Variants in HOXD11 observed in about 807,000 individuals in gnomAD.
HOXD11 encodes homeobox D11, also known as homeobox protein Hox-D11.
In HOXD11, 16 loss-of-function variants were observed where a neutral mutation model predicts 23.1. That is an observed-to-expected ratio of 0.69 (90% CI 0.47 to 1.05). HOXD11 has a LOEUF of 1.05. Ranked by LOEUF, HOXD11 falls within the 50% of genes least tolerant of loss-of-function variation. The probability of loss-of-function intolerance (pLI) is 0.00; values close to 1 mark genes in which losing one functional copy is unlikely to be tolerated. For missense variants in HOXD11, 564 were observed against 495.6 expected (o/e 1.14, Z -1.31); for synonymous variants, 262 against 224.4 (o/e 1.17, Z -1.50).
At chr2:176,111,672 G>C (rs1689674331), downstream of HOXD11, among the ~76,000 whole-genome samples, 1 of 151,290 alleles carries the variant, frequency 6.6e-6, no homozygotes, top group Non-Finnish European at 1.5e-5. Context: ...CAGATGGTGT[G>C]GAGCAGAGTT....
chr2:176,108,806 C>G, intron 1 of HOXD11, 101 bp from the exon 2 acceptor site: 1 of 718,962 alleles, frequency 1.4e-6, no homozygotes, highest in East Asian at 2.8e-5. Context: ...ACGTCCCCAA[C>G]GGGGCCAGGG....
chr2:176,109,769 T>C (rs899901963), downstream of HOXD11: 2 of 177,322 alleles, frequency 1.1e-5, no homozygotes, highest in Admixed American at 6.3e-5. Context: ...ACTAAAATAG[T>C]AGTCGTACCC....
chr2:176,109,113 C>G lies in HOXD11; in HGVS notation c.988C>G (p.Gln330Glu), dbSNP rs1000580695. ...AAAGAAACTGAACAGAGACCGTCTG[C>G]AGTATTTCACTGGAAACCCCTTATT... ...KEKKLNRDRL[Q>E]YFTGNPLF Residue 330 changes from glutamine to glutamate, a missense_variant, in exon 2 of 2, where the codon CAG becomes GAG. By Grantham distance (29) the Gln-to-Glu change is conservative. Transcript: ENST00000249504. 1.2e-6 allele frequency: 2 copies of G among 1,613,356 alleles called. No homozygotes were observed. The highest frequency in any genetic ancestry group is 1.7e-6 in the Non-Finnish European group (2 of 1,179,388).
downstream of HOXD11, among the ~76,000 whole-genome samples, chr2:176,113,939 G>A (rs139412915): frequency 3.1e-3 from 467 of 152,228 alleles, 3 homozygotes; most frequent in African/African-American, 0.01. Flanking sequence ...AGACCTACCC[G>A]CCCGCAAGGA....
chr2:176,108,696 T>TGTGTGTGTGTGTGTCC lies in HOXD11; in HGVS notation c.782-209_782-208insGTGTGTGTGTGTCCGT, dbSNP rs960078937. Reference sequence around the variant, plus strand: ...GTGTGTGTGTGTGTGTGTGTGTGTGTGTCCGGGCGTGAACACATGTCCACG... The same window carrying TGTGTGTGTGTGTGTCC: ...GTGTGTGTGTGTGTGTGTGTGTGTGTGTGTGTGTGTGTGTCCGTCCGGGCGTGAACACATGTCCACG... On this transcript the variant is annotated intron_variant, in intron 1 of 1. Transcript: ENST00000249504. 1.0e-5 allele frequency: 6 copies of TGTGTGTGTGTGTGTCC among 579,022 alleles called. No homozygotes were observed. In the African/African-American group the frequency reaches 1.2e-4, roughly 11 times the overall value. 35.9% of individuals were successfully genotyped at this position (579,022 alleles called of 1,614,324 possible). A position where few individuals can be genotyped will look rare whatever the true frequency, so the allele number is the denominator to read the frequency against.
downstream of HOXD11, among the ~76,000 whole-genome samples, chr2:176,111,729 G>A (rs818629): frequency 0.072 from 10,680 of 149,340 alleles, 1,235 homozygotes; most frequent in African/African-American, 0.24. Context: ...AGCCACTGCT[G>A]GTTAATTAAA....
In HOXD11 at chr2:176,107,929, G is replaced by T; in HGVS notation, c.574G>T (p.Gly192Trp). The T allele has an allele frequency of 2.1e-6, 3 of 1,421,922 alleles. No individual in the cohort carries two copies. The highest frequency in any genetic ancestry group is 9.2e-7 in the Non-Finnish European group (1 of 1,088,552). 88.1% of individuals were successfully genotyped at this position (1,421,922 alleles called of 1,614,324 possible). A position where few individuals can be genotyped will look rare whatever the true frequency, so the allele number is the denominator to read the frequency against. The change falls in exon 1 of 2, where the codon GGG (glycine) becomes TGG (tryptophan). Residue 192 changes from glycine to tryptophan, a missense_variant. Coordinates refer to ENST00000249504, the MANE Select transcript of HOXD11 (RefSeq NM_021192.3). ...YEAAPGPPFA[G>W]PQPPPPPAPP... is the part of the protein sequence containing the mutation. ...GGCAGCGCCCGGGCCCCCGTTCGCC[G>T]GGCCGCAGCCCCCGCCGCCACCCGC...
intron 1 of HOXD11, among the ~76,000 whole-genome samples, chr2:176,108,613 T>C (rs906016364): frequency 1.3e-5 from 2 of 151,850 alleles, no homozygotes; most frequent in Non-Finnish European, 2.9e-5. Flanking sequence ...CAGGTTCCAG[T>C]TTAGAGCCTG....
downstream of HOXD11, among the ~76,000 whole-genome samples, chr2:176,112,264 G>T (rs188865652): frequency 1.3e-5 from 2 of 152,232 alleles, no homozygotes; most frequent in Non-Finnish European, 2.9e-5. Context: ...CAGTGCATTC[G>T]TTGCGTGCCC....
At chr2:176,115,042 G>T in the HOXD11 span, among the ~76,000 whole-genome samples, 1 of 152,282 alleles carries the variant, frequency 6.6e-6, no homozygotes, top group Non-Finnish European at 1.5e-5. Context: ...CTGCCCCGAG[G>T]CCCGGGCTTC....
At position 176,107,676 on chromosome 2, in the gene HOXD11, C is replaced by CGCGGCGGCG. The variant is rs976186112; in HGVS notation, c.333_341dup (p.Ala118_Ala120dup). 10 of 988,006 alleles carry CGCGGCGGCG rather than the reference C, an allele frequency of 1.0e-5. No homozygotes were observed. Among genetic ancestry groups the CGCGGCGGCG allele is most frequent in the East Asian group, 1.1e-4 (1 of 8,988 alleles). 61.2% of individuals were successfully genotyped at this position (988,006 alleles called of 1,614,324 possible). On this transcript the variant is annotated inframe_insertion, in exon 1 of 2. Coordinates refer to ENST00000249504, the MANE Select transcript of HOXD11 (RefSeq NM_021192.3). ...GCGCGGGGGGCTACGCTCCCTACTA[C>CGCGGCGGCG]GCGGCGGCGGCGGCGGCGGCTGCGG...
chr2:176,109,331 C>A lies in HOXD11; in HGVS notation c.*189C>A. ...GCCTGCGGACGAGGCCGGGACTTGG[C>A]CGAGCGGATCCTAATAAGGGGAAAA... On this transcript the variant is annotated 3_prime_UTR_variant, in exon 2 of 2. Transcript: ENST00000249504. The A allele has an allele frequency of 1.7e-6, 1 of 581,614 alleles. No individual in the cohort carries two copies. Among genetic ancestry groups the A allele is most frequent in the South Asian group, 2.2e-5 (1 of 45,872 alleles). 36.0% of individuals were successfully genotyped at this position (581,614 alleles called of 1,614,324 possible).
In HOXD11 at chr2:176,107,877, G is replaced by A. The variant is rs1689606212; in HGVS notation, c.522G>A (p.Leu174=). 2.1e-6 allele frequency: 3 copies of A among 1,454,704 alleles called. No individual in the cohort carries two copies. Among genetic ancestry groups the A allele is most frequent in the Non-Finnish European group, 2.7e-6 (3 of 1,101,444 alleles). 90.1% of individuals were successfully genotyped at this position (1,454,704 alleles called of 1,614,324 possible). The change falls in exon 1 of 2, where the codon TTG becomes TTA. Residue 174 remains leucine (L), a synonymous_variant. Coordinates refer to ENST00000249504, the MANE Select transcript of HOXD11 (RefSeq NM_021192.3). ...FYSAVGRNGI[L]PQGFDQFYEA... Reference sequence around the variant, plus strand: ...GCGCGGTGGGCCGCAATGGCATCTTGCCACAGGGCTTCGACCAGTTCTACG... The same window carrying A: ...GCGCGGTGGGCCGCAATGGCATCTTACCACAGGGCTTCGACCAGTTCTACG...
downstream of HOXD11, among the ~76,000 whole-genome samples, chr2:176,114,473 T>C (rs917380231): frequency 1.3e-5 from 2 of 151,788 alleles, no homozygotes; most frequent in Non-Finnish European, 2.9e-5. Context: ...AACCTGACAA[T>C]GATGTTGTAT....
chr2:176,108,986 T>C lies in HOXD11; in HGVS notation c.861T>C (p.Phe287=). Residue 287 remains phenylalanine, a synonymous_variant, in exon 2 of 2, where the codon TTT becomes TTC. Transcript: ENST00000249504. ...GCGAACTGGAACGCGAGTTTTTCTT[T>C]AACGTGTACATAAACAAAGAGAAAA... ...QIRELEREFF[F]NVYINKEKRL... The C allele has an allele frequency of 6.2e-7, 1 of 1,614,148 alleles. No individual in the cohort carries two copies.
At chr2:176,113,200 G>C (rs191236222), downstream of HOXD11, among the ~76,000 whole-genome samples, 493 of 152,206 alleles carry the variant, frequency 3.2e-3, 4 homozygotes, top group Non-Finnish European at 2.3e-3. Flanking sequence ...CATCCGCTCT[G>C]TCCCCAAAGA....
chr2:176,108,166 G>A, intron 1 of HOXD11, 30 bp downstream of exon 1: 1 of 1,184,358 alleles, frequency 8.4e-7, no homozygotes, highest in Non-Finnish European at 1.1e-6. Context: ...CAAGCGGTGG[G>A]CCCGGGGGCC....
rs538454847 is a variant in HOXD11, at chr2:176,109,014, C to T, written c.889C>T (p.Leu297Phe). 6.2e-7 allele frequency: 1 copy of T among 1,613,940 alleles called. No individual in the cohort carries two copies. Among genetic ancestry groups the T allele is most frequent in the South Asian group, 1.1e-5 (1 of 91,088 alleles). ...CGTGTACATAAACAAAGAGAAAAGA[C>T]TTCAACTCTCTCGGATGCTCAACCT... ...FNVYINKEKR[L>F]QLSRMLNLTD... Residue 297 changes from leucine (L) to phenylalanine (F), a missense_variant, in exon 2 of 2, where the codon CTT becomes TTT. Coordinates refer to ENST00000249504, the MANE Select transcript of HOXD11 (RefSeq NM_021192.3).
At position 176,108,055 on chromosome 2, in the gene HOXD11, C is replaced by A; in HGVS notation, c.700C>A (p.Pro234Thr). 3.4e-6 allele frequency: 5 copies of A among 1,486,454 alleles called. No individual in the cohort carries two copies. Among genetic ancestry groups the A allele is most frequent in the Non-Finnish European group, 4.4e-6 (5 of 1,124,264 alleles). 92.1% of individuals were successfully genotyped at this position (1,486,454 alleles called of 1,614,324 possible). Reference sequence around the variant, plus strand: ...CACCAAGGCGACCCCTGGCTCGGAGCCCAAGGGGGCAGCAGAAGGCAGCGG... The same window carrying A: ...CACCAAGGCGACCCCTGGCTCGGAGACCAAGGGGGCAGCAGAAGGCAGCGG... ...PCTKATPGSE[P>T]KGAAEGSGGD... is the part of the protein sequence containing the mutation. Residue 234 changes from proline to threonine, a missense_variant, in exon 1 of 2, where the codon CCC becomes ACC. Physicochemically the swap from Pro to Thr is conservative, Grantham distance 38. Transcript: ENST00000249504.
Sources: allele counts gnomAD v4.1 joint callset (sites outside exome capture counted in the v4.1 genomes callset), GRCh38; gene constraint gnomAD v4.1.1; transcripts MANE v1.5; gene names NCBI Gene and HGNC (gene_info 2026-07-23, HGNC 2026-07-21).